The following CDH3 variants were observed in gnomAD, a reference collection of about 807,000 sequenced individuals.
The protein encoded by CDH3 is cadherin 3, also known as cadherin-3.
In CDH3, 54 loss-of-function variants were observed where a neutral mutation model predicts 82.0. That is an observed-to-expected ratio of 0.66 (90% CI 0.53 to 0.83). CDH3 has a LOEUF of 0.83. CDH3 is among the 40% of genes least tolerant of loss of function. The pLI is 0.00. For synonymous variants in CDH3, 446 were observed against 437.9 expected, an observed-to-expected ratio of 1.02 and a Z score of -0.23; for missense variants, 1,054 against 1,084.6, an observed-to-expected ratio of 0.97 and a Z score of 0.40.
chr16:68,656,952 A>G (rs1597793229), intron 2 of CDH3, among the ~76,000 whole-genome samples: 1 of 151,814 alleles, frequency 6.6e-6, no homozygotes, highest in South Asian at 2.1e-4. Context: ...GAGAACTGTC[A>G]CCCCACCCCC....
At chr16:68,702,103 G>A (rs1961904472), downstream of CDH3, among the ~76,000 whole-genome samples, 1 of 151,946 alleles carries the variant, frequency 6.6e-6, no homozygotes, top group South Asian at 2.1e-4. Context: ...TGGCCAGGCT[G>A]GTCTCGAACT....
intron 6 of CDH3, 110 bp downstream of exon 6, chr16:68,679,016 T>G (rs1961125697): frequency 6.8e-6 from 8 of 1,173,332 alleles, no homozygotes; most frequent in Middle Eastern, 2.1e-4. Context: ...ACTTGGGATC[T>G]TCTTAAAAAT....
intron 2 of CDH3, chr16:68,650,955 G>T: frequency 5.5e-6 from 1 of 181,820 alleles, no homozygotes; most frequent in Non-Finnish European, 1.1e-5. Flanking sequence ...AAAAAAAAAA[G>T]AAGAGGAAAA....
Position 68,687,550 on chromosome 16 carries a change from A to G in CDH3, c.1609A>G (p.Thr537Ala), listed in dbSNP as rs1355330494. The G allele has an allele frequency of 6.2e-7, 1 of 1,614,120 alleles. No homozygotes were observed. Among genetic ancestry groups the G allele is most frequent in the Non-Finnish European group, 8.5e-7 (1 of 1,180,028 alleles). The change falls in exon 12 of 16, where the codon ACA (threonine) becomes GCA (alanine). Residue 537 changes from threonine to alanine, a missense_variant. By Grantham distance (58) the Thr-to-Ala change is moderately conservative (BLOSUM62 0). Transcript: ENST00000264012. ...PTTGTGTLLL[T>A]LIDVNDHGPV... Reference sequence around the variant, plus strand: ...CACTGGCACGGGAACCCTTCTGCTAACACTGATTGATGTCAATGACCATGG... The same window carrying G: ...CACTGGCACGGGAACCCTTCTGCTAGCACTGATTGATGTCAATGACCATGG...
intron 2 of CDH3, chr16:68,646,127 C>T (rs867599808): frequency 1.1e-5 from 3 of 269,194 alleles, no homozygotes; most frequent in South Asian, 4.9e-5. Context: ...AGCCGTGCCC[C>T]GGGCAGCCCC....
At chr16:68,683,668 A>G (rs1244178286) in intron 9 of CDH3, among the ~76,000 whole-genome samples, 2 of 11,158 alleles carry the variant, frequency 1.8e-4, no homozygotes, top group Admixed American at 8.8e-4. Context: ...AAAAAAAAAA[A>G]AAAAAAAAAA....
intron 2 of CDH3, among the ~76,000 whole-genome samples, chr16:68,658,062 C>CTTTTTT (rs113679101): frequency 1.6e-4 from 20 of 126,144 alleles, no homozygotes; most frequent in Non-Finnish European, 8.4e-5. Context: ...CTTTTTCTTT[C>CTTTTTT]TTTTTTTTTT....
At chr16:68,713,649 T>G (rs1962059239) in intron 1 of CDH3, among the ~76,000 whole-genome samples, 1 of 152,100 alleles carries the variant, frequency 6.6e-6, no homozygotes, top group Non-Finnish European at 1.5e-5. Context: ...GCTTAAACAC[T>G]TCCGTTCTGT....
intron 2 of CDH3, among the ~76,000 whole-genome samples, chr16:68,662,944 C>G (rs1960632452): frequency 7.0e-6 from 1 of 142,106 alleles, no homozygotes; most frequent in Admixed American, 7.5e-5. Flanking sequence ...TCTTGGCTCA[C>G]TGCACACTCC....
chr16:68,676,927 T>A (rs536236409), intron 3 of CDH3, among the ~76,000 whole-genome samples: 4 of 152,236 alleles, frequency 2.6e-5, no homozygotes, highest in Non-Finnish European at 4.4e-5. Flanking sequence ...AAATAAAAAA[T>A]AATAATAAGC....
intron 1 of CDH3, among the ~76,000 whole-genome samples, chr16:68,711,197 C>T (rs898678158): frequency 6.6e-6 from 1 of 151,824 alleles, no homozygotes; most frequent in Non-Finnish European, 1.5e-5. Context: ...GTAATCCCAG[C>T]TACTCGGGAG....
rs767550285 is a variant in CDH3 at position 68,687,709 on chromosome 16, T to C, written c.1768T>C (p.Tyr590His). ...QAQLTDDSDIYWTAEVNEEGD... is the reference protein window; with the variant it reads ...QAQLTDDSDIHWTAEVNEEGD... ...CCAGCTCACAGATGACTCAGACATCTACTGGACGGCAGAGGTCAACGAGGA... is the reference window on the plus strand; with the variant it reads ...CCAGCTCACAGATGACTCAGACATCCACTGGACGGCAGAGGTCAACGAGGA... Residue 590 changes from tyrosine (Y) to histidine (H), a missense_variant, in exon 12 of 16, where the codon TAC becomes CAC. By Grantham distance (83) the Tyr-to-His change is moderately conservative. Coordinates refer to ENST00000264012, the MANE Select transcript of CDH3 (RefSeq NM_001793.6). 6.2e-7 allele frequency: 1 copy of C among 1,613,836 alleles called. No homozygotes were observed. Among genetic ancestry groups the C allele is most frequent in the African/African-American group, 1.3e-5 (1 of 74,906 alleles).
chr16:68,645,596 C>G, intron 1 of CDH3, 40 bp from the exon 2 acceptor site: 1 of 1,509,186 alleles, frequency 6.6e-7, no homozygotes, highest in Non-Finnish European at 8.9e-7. Flanking sequence ...GCCGGGCACG[C>G]CTGGACCCAG....
At chr16:68,725,853 A>C (rs1025805974) in intron 2 of CDH3, among the ~76,000 whole-genome samples, 2 of 151,926 alleles carry the variant, frequency 1.3e-5, no homozygotes, top group African/African-American at 4.8e-5. Context: ...CAGGAGCTGG[A>C]GACCAGCCAG....
intron 6 of CDH3, among the ~76,000 whole-genome samples, chr16:68,679,249 A>C (rs1172455255): frequency 6.6e-6 from 1 of 152,212 alleles, no homozygotes; most frequent in African/African-American, 2.4e-5. Flanking sequence ...CTCACTTCTC[A>C]CATCTAAAAA....
Position 68,685,288 on chromosome 16 carries a change from G to A in CDH3, c.1508G>A (p.Arg503His), listed in dbSNP as rs121434542. 5.6e-6 allele frequency: 9 copies of A among 1,613,988 alleles called. No individual in the cohort carries two copies. The highest frequency in any genetic ancestry group is 3.3e-5 in the Admixed American group (2 of 59,994). The change falls in exon 11 of 16, where the codon CGT (arginine) becomes CAT (histidine). Residue 503 changes from arginine (R) to histidine (H), a missense_variant. Arg to His is a conservative substitution (Grantham distance 29). Transcript: ENST00000264012. ...GQVTAVGTLD[R>H]EDEQFVRNNI... ...GTCACAGCTGTGGGCACCCTCGACC[G>A]TGAGGATGAGCAGTTTGTGAGGAAC...
In CDH3 at chr16:68,653,247, TTTTA is replaced by T. The variant is rs1405745694; in HGVS notation, c.160+7501_160+7504del. ...TTTTCAATTATTTTATTTTATTTTATTTTATTTTTGAGACAGAGTTTTGCTCTTG... is the reference window on the plus strand; with the variant it reads ...TTTTCAATTATTTTATTTTATTTTATTTTTTGAGACAGAGTTTTGCTCTTG... On this transcript the variant is annotated intron_variant, in intron 2 of 15. Coordinates refer to ENST00000264012, the MANE Select transcript of CDH3 (RefSeq NM_001793.6). 8.4e-4 allele frequency among the ~76,000 whole-genome samples: 115 copies of T among 137,320 alleles called. 1 individual carries two copies. Among genetic ancestry groups the T allele is most frequent in the Non-Finnish European group, 1.2e-3 (74 of 63,706 alleles). 90.1% of individuals were successfully genotyped at this position (137,320 alleles called of 152,430 possible).
At position 68,678,568 on chromosome 16, in the gene CDH3, C is replaced by T. The variant is rs770438078; in HGVS notation, c.458C>T (p.Pro153Leu). ...ATCACGGGGCCGGGGGCAGACAGCC[C>T]CCCTGAGGGTGTCTTCGCTGTAGAG... ...YSITGPGADS[P>L]PEGVFAVEKE... The change falls in exon 5 of 16, where the codon CCC (proline) becomes CTC (leucine). Residue 153 changes from proline (P) to leucine (L), a missense_variant. Transcript: ENST00000264012. 3.1e-6 allele frequency: 5 copies of T among 1,614,100 alleles called. No individual in the cohort carries two copies. In the Admixed American group the frequency reaches 5.0e-5, roughly 16 times the overall value.
chr16:68,676,093 G>T (rs1961026697), intron 2 of CDH3, among the ~76,000 whole-genome samples: 1 of 152,114 alleles, frequency 6.6e-6, no homozygotes, highest in Admixed American at 6.5e-5. Context: ...GGCCACCTGG[G>T]GCTAATGTCC....
Sources: allele counts gnomAD v4.1 joint callset (sites outside exome capture counted in the v4.1 genomes callset), GRCh38; gene constraint gnomAD v4.1.1; transcripts MANE v1.5; gene names NCBI Gene and HGNC (gene_info 2026-07-23, HGNC 2026-07-21).